RASGEF1C: variants seen among roughly 807,000 people sequenced by gnomAD.
RASGEF1C encodes the protein ras-GEF domain-containing family member 1C.
RASGEF1C carries 27 observed loss-of-function variants against 58.1 expected under a neutral mutation model. The observed-to-expected ratio is 0.46, with a 90% CI of 0.34 to 0.64. The LOEUF (loss-of-function observed/expected upper bound fraction) is 0.64. RASGEF1C is among the 30% of genes least tolerant of loss of function. The probability of loss-of-function intolerance (pLI) is 0.01; values close to 1 mark genes in which losing one functional copy is unlikely to be tolerated. For synonymous variants in RASGEF1C, 243 were observed against 246.3 expected (o/e 0.99, Z 0.13); for missense variants, 502 against 605.1 (o/e 0.83, Z 1.79).
Position 180,118,772 on chromosome 5 carries a change from AG to A in RASGEF1C, c.987+14del. 6.2e-7 allele frequency: 1 copy of A among 1,614,142 alleles called. No homozygotes were observed. The highest frequency in any genetic ancestry group is 1.1e-5 in the South Asian group (1 of 91,084). ...GATGGCCGGAGGCACCCGGCAGCCC[AG>A]CAGCCTCATTTACCTCGAGGATGAA... is the stretch of plus-strand genomic sequence containing the variant. On this transcript the variant is annotated intron_variant, in intron 9 of 13. Transcript: ENST00000361132.
At chr5:180,147,709 G>A (rs1397842520) in intron 1 of RASGEF1C, among the ~76,000 whole-genome samples, 1 of 152,154 alleles carries the variant, frequency 6.6e-6, no homozygotes, top group Non-Finnish European at 1.5e-5. Flanking sequence ...CTTAATCTGT[G>A]TCCTAACATA....
chr5:180,177,535 C>T lies in RASGEF1C; in HGVS notation c.-7+31493G>A, dbSNP rs544477130. On this transcript the variant is annotated intron_variant, in intron 1 of 13. Coordinates refer to ENST00000361132, the MANE Select transcript of RASGEF1C (RefSeq NM_175062.4). This position sits in a 1 kb window ranked among gnomAD's most constrained non-coding sequence, Gnocchi z 5.0. Reference sequence around the variant, plus strand: ...CAGCTGTCCAAGGCCATGGCCTCTGCGGCTTCTGCCTGGCCAGCATCTGTT... The same window carrying T: ...CAGCTGTCCAAGGCCATGGCCTCTGTGGCTTCTGCCTGGCCAGCATCTGTT... Among the ~76,000 whole-genome samples, 195 of 152,362 alleles carry T rather than the reference C, an allele frequency of 1.3e-3. No individual in the cohort carries two copies. Among genetic ancestry groups the T allele is most frequent in the African/African-American group, 4.5e-3 (187 of 41,596 alleles).
intron 12 of RASGEF1C, among the ~76,000 whole-genome samples, chr5:180,106,732 G>T (rs1765879859): frequency 6.6e-6 from 1 of 152,178 alleles, no homozygotes; most frequent in Non-Finnish European, 1.5e-5. Context: ...TTTAAAAAAT[G>T]TGTGTTCTAC....
intron 1 of RASGEF1C, among the ~76,000 whole-genome samples, chr5:180,152,714 TAAA>T (rs200760464): frequency 7.1e-6 from 1 of 140,428 alleles, no homozygotes; most frequent in Non-Finnish European, 1.6e-5. Flanking sequence ...AAAGTATAAT[TAAA>T]AAAAAAAAAA....
At chr5:180,122,479 G>A (rs1008762078) in intron 6 of RASGEF1C, among the ~76,000 whole-genome samples, 4 of 151,954 alleles carry the variant, frequency 2.6e-5, no homozygotes, top group African/African-American at 7.3e-5. Context: ...AGTGGCTCAC[G>A]CCTGTAATCG....
intron 1 of RASGEF1C, among the ~76,000 whole-genome samples, chr5:180,145,244 T>C (rs776399547): frequency 6.6e-6 from 1 of 152,100 alleles, no homozygotes; most frequent in Non-Finnish European, 1.5e-5. Context: ...CCTCAGCCTC[T>C]CAAGAAGCTG....
intron 1 of RASGEF1C, among the ~76,000 whole-genome samples, chr5:180,172,763 G>T (rs1180816404): frequency 1.3e-5 from 2 of 152,058 alleles, no homozygotes; most frequent in African/African-American, 4.8e-5. Flanking sequence ...GCTCCTCTGT[G>T]CTCCTCATCT....
At chr5:180,113,246 A>AT (rs1366176049) in intron 11 of RASGEF1C, among the ~76,000 whole-genome samples, 6 of 56,594 alleles carry the variant, frequency 1.1e-4, no homozygotes, top group Middle Eastern at 0.011. Context: ...GGACGGAGGG[A>AT]CCGAGGATGG....
intron 1 of RASGEF1C, among the ~76,000 whole-genome samples, chr5:180,174,534 G>A (rs188528716): frequency 4.0e-5 from 5 of 125,624 alleles, no homozygotes; most frequent in African/African-American, 1.6e-4. Context: ...GTGTGTCTCT[G>A]TGTGTGCGTG....
rs550939523 is a variant in RASGEF1C, at chr5:180,196,470, C to T, written c.-7+12558G>A. On this transcript the variant is annotated intron_variant, in intron 1 of 13. Transcript: ENST00000361132. ...GAGCCGAGATCACACCATTGCACTC[C>T]AGCCTGGGCAACAGTGAGACTCTGT... Among the ~76,000 whole-genome samples the T allele has an allele frequency of 1.8e-4, 27 of 150,860 alleles. No individual in the cohort carries two copies. The East Asian group carries it at 5.3e-3, about 29-fold the overall frequency.
chr5:180,191,648 G>A (rs1040037280), intron 1 of RASGEF1C, among the ~76,000 whole-genome samples: 11 of 152,196 alleles, frequency 7.2e-5, no homozygotes, highest in Admixed American at 3.9e-4. Flanking sequence ...GAGCCACCGC[G>A]CCCGGCCACA....
intron 8 of RASGEF1C, 152 bp downstream of exon 8, chr5:180,119,194 T>C (rs1305355967): frequency 7.2e-6 from 5 of 693,916 alleles, no homozygotes; most frequent in Non-Finnish European, 1.2e-5. Context: ...GGTGGGGACA[T>C]GGGGCTGCCC....
chr5:180,175,317 C>G (rs1226581704), intron 1 of RASGEF1C, among the ~76,000 whole-genome samples: 4 of 152,208 alleles, frequency 2.6e-5, no homozygotes, highest in Non-Finnish European at 5.9e-5. Context: ...CCCCCAGACG[C>G]CAGAGGAGCT....
chr5:180,149,059 C>A (rs192383979), intron 1 of RASGEF1C, among the ~76,000 whole-genome samples: 102 of 144,530 alleles, frequency 7.1e-4, no homozygotes, highest in African/African-American at 2.5e-3. Flanking sequence ...TCTAAGGTTT[C>A]TTTTCTACTT....
chr5:180,185,521 G>A (rs1756020037), intron 1 of RASGEF1C, among the ~76,000 whole-genome samples: 2 of 152,028 alleles, frequency 1.3e-5, no homozygotes, highest in African/African-American at 2.4e-5. Context: ...GGAGGTGGAG[G>A]TTGCAATGAG....
chr5:180,103,889 T>G (rs1039795769), intron 12 of RASGEF1C, among the ~76,000 whole-genome samples: 3 of 152,222 alleles, frequency 2.0e-5, no homozygotes, highest in Non-Finnish European at 4.4e-5. Flanking sequence ...CATAAATGCG[T>G]GTAGAAATTT....
At position 180,152,911 on chromosome 5, in the gene RASGEF1C, CAAAA is replaced by C. The variant is rs755521241; in HGVS notation, c.-6-14857_-6-14854del. Among the ~76,000 whole-genome samples the C allele has an allele frequency of 5.5e-3, 397 of 71,706 alleles. 1 individual carries two copies. Among genetic ancestry groups the C allele is most frequent in the African/African-American group, 0.016 (305 of 18,968 alleles). 47.0% of individuals were successfully genotyped at this position (71,706 alleles called of 152,430 possible). ...GGGCAACAAGAGCAAAACCCCATCT[CAAAA>C]AAAAAAAAAAAAAAAAAAAGTTATA... is the stretch of plus-strand genomic sequence containing the variant. On this transcript the variant is annotated intron_variant, in intron 1 of 13. Transcript: ENST00000361132.
At chr5:180,141,826 C>T (rs950434825) in intron 1 of RASGEF1C, among the ~76,000 whole-genome samples, 23 of 151,570 alleles carry the variant, frequency 1.5e-4, no homozygotes, top group African/African-American at 5.6e-4. Flanking sequence ...TCTCGTGCCT[C>T]AGCCTCCCAA....
chr5:180,133,070 G>A (rs1052817546), intron 4 of RASGEF1C, among the ~76,000 whole-genome samples: 2 of 152,040 alleles, frequency 1.3e-5, no homozygotes, highest in African/African-American at 4.8e-5. Flanking sequence ...CAGAGCACTG[G>A]GGTCCTCCCT....
Sources: allele counts gnomAD v4.1 joint callset (sites outside exome capture counted in the v4.1 genomes callset), GRCh38; gene constraint gnomAD v4.1.1; non-coding constraint Gnocchi (gnomAD v3.1); transcripts MANE v1.5; gene names NCBI Gene and HGNC (gene_info 2026-07-23, HGNC 2026-07-21).